Variants in MCCC1 observed in about 807,000 individuals in gnomAD.
The protein encoded by MCCC1 is methylcrotonyl-CoA carboxylase subunit 1.
In MCCC1, 64 loss-of-function variants were observed where a neutral mutation model predicts 83.8. The ratio of observed to expected loss-of-function variants is 0.76; its 90% CI spans 0.62 to 0.94. The LOEUF (loss-of-function observed/expected upper bound fraction) is 0.94. MCCC1 is among the 40% of genes least tolerant of loss of function. MCCC1 has a pLI of 0.00. For missense variants in MCCC1, 807 were observed against 904.7 expected (o/e 0.89, Z 1.39); for synonymous variants, 322 against 315.4 (o/e 1.02, Z -0.22).
chr3:183,077,055 C>T (rs1717129317), intron 4 of MCCC1, among the ~76,000 whole-genome samples: 1 of 152,144 alleles, frequency 6.6e-6, no homozygotes, highest in African/African-American at 2.4e-5. Context: ...TTTTGTTTAA[C>T]ACAAATCAGT....
At chr3:183,036,570 C>T (rs1713613760) in intron 13 of MCCC1, among the ~76,000 whole-genome samples, 2 of 139,194 alleles carry the variant, frequency 1.4e-5, no homozygotes, top group African/African-American at 5.2e-5. Flanking sequence ...GATGAACTCT[C>T]GCCCTGTTGT....
At position 183,064,718 on chromosome 3, in the gene MCCC1, T is replaced by G. The variant is rs538861481; in HGVS notation, c.761+6281A>C. ...GGCTGCTGGGCCCACGGCAGGCTGT[T>G]CGCGGGCAGCCGGCTCCGTGGACAG... is the stretch of plus-strand genomic sequence containing the variant. On this transcript the variant is annotated intron_variant, in intron 7 of 18. Transcript: ENST00000265594. This position sits in a 1 kb window ranked among gnomAD's most constrained non-coding sequence, Gnocchi z 4.5. Among the ~76,000 whole-genome samples the G allele has an allele frequency of 1.3e-5, 2 of 152,330 alleles. No individual in the cohort carries two copies. Among genetic ancestry groups the G allele is most frequent in the South Asian group, 4.1e-4 (2 of 4,826 alleles).
At chr3:183,058,898 CAAACATAGA>C (rs1166059884) in intron 7 of MCCC1, among the ~76,000 whole-genome samples, 2 of 151,984 alleles carry the variant, frequency 1.3e-5, no homozygotes, top group Non-Finnish European at 2.9e-5. Flanking sequence ...TAAAAACTGT[CAAACATAGA>C]AGAGACAAAA....
At position 183,015,278 on chromosome 3, in the gene MCCC1, G is replaced by A. The variant is rs1054819952; in HGVS notation, c.*160C>T. ...TATGAAATATTTTGAGATAATTAGT[G>A]ACCCAAATGCATGATTCTCCAATAT... On this transcript the variant is annotated 3_prime_UTR_variant, in exon 19 of 19. Coordinates refer to ENST00000265594, the MANE Select transcript of MCCC1 (RefSeq NM_020166.5). The A allele has an allele frequency of 9.3e-6, 7 of 755,352 alleles. No individual in the cohort carries two copies. The highest frequency in any genetic ancestry group is 1.6e-5 in the Non-Finnish European group (7 of 428,298). 46.8% of individuals were successfully genotyped at this position (755,352 alleles called of 1,614,324 possible).
chr3:183,065,992 G>A (rs1716230138), intron 7 of MCCC1, among the ~76,000 whole-genome samples: 1 of 152,176 alleles, frequency 6.6e-6, no homozygotes, highest in African/African-American at 2.4e-5. Flanking sequence ...ATGTAAAGGT[G>A]AAATTTGGCT....
rs905321122 is a variant in MCCC1 at position 183,020,177 on chromosome 3, C to A, written c.1930G>T (p.Glu644Ter). Residue 644 changes from glutamate (E) to a stop codon, truncating the protein, a stop_gained, in exon 17 of 19, where the codon GAA becomes TAA. Transcript: ENST00000265594. LOFTEE classifies it high-confidence loss of function. ...GGAGCTAAGGGGCCGCCCTGAGTTTCTTGTGAGCTCACAGAAGATAAGTAT... is the reference window on the plus strand; with the variant it reads ...GGAGCTAAGGGGCCGCCCTGAGTTTATTGTGAGCTCACAGAAGATAAGTAT... The part of the protein sequence containing the change: ...PKYLSSVSSQ[E>*]TQGGPLAPMT... 1.1e-5 allele frequency: 18 copies of A among 1,614,026 alleles called. No individual in the cohort carries two copies. The highest frequency in any genetic ancestry group is 1.4e-5 in the Non-Finnish European group (17 of 1,179,990).
intron 1 of MCCC1, among the ~76,000 whole-genome samples, chr3:183,104,645 G>C (rs756464959): frequency 1.9e-4 from 29 of 152,154 alleles, no homozygotes; most frequent in Non-Finnish European, 1.5e-5. Flanking sequence ...GATCTGTAAT[G>C]AAAGAGAAAA....
chr3:183,115,579 C>CGGT (rs1719574883), exon 1 of MCCC1: 1 of 152,266 alleles, frequency 6.6e-6, no homozygotes. Context: ...CTGCCAGGTG[C>CGGT]GGTGGCCCAC....
At chr3:183,061,323 C>G (rs1384630870) in intron 7 of MCCC1, among the ~76,000 whole-genome samples, 1 of 152,038 alleles carries the variant, frequency 6.6e-6, no homozygotes, top group Non-Finnish European at 1.5e-5. Context: ...CTACCTTCCC[C>G]CTGAACAAAA....
intron 1 of MCCC1, chr3:183,099,078 AG>A (rs1718951933): frequency 1.7e-6 from 1 of 571,580 alleles, no homozygotes. Flanking sequence ...GGGAGCCTGG[AG>A]GATGGCGGGC....
In MCCC1 at chr3:183,071,280, C is replaced by A; in HGVS notation, c.569G>T (p.Cys190Phe). The A allele has an allele frequency of 6.2e-7, 1 of 1,614,208 alleles. No homozygotes were observed. The highest frequency in any genetic ancestry group is 8.5e-7 in the Non-Finnish European group (1 of 1,180,036). ...GYHGEDQSDQ[C>F]LKEHARRIGY... is the part of the protein sequence containing the mutation. Reference sequence around the variant, plus strand: ...AATTCTCCTGGCGTGTTCCTTCAGGCACTGGTCTGATTGGTCCTCACCATG... The same window carrying A: ...AATTCTCCTGGCGTGTTCCTTCAGGAACTGGTCTGATTGGTCCTCACCATG... The change falls in exon 6 of 19, where the codon TGC becomes TTC. Residue 190 changes from cysteine (C) to phenylalanine (F), a missense_variant. Cys to Phe is a radical substitution (Grantham distance 205, BLOSUM62 -2). Coordinates refer to ENST00000265594, the MANE Select transcript of MCCC1 (RefSeq NM_020166.5).
chr3:183,105,007 A>G (rs1467915462), intron 1 of MCCC1, among the ~76,000 whole-genome samples: 2 of 152,270 alleles, frequency 1.3e-5, no homozygotes, highest in African/African-American at 4.8e-5. Flanking sequence ...AATTTATTAT[A>G]GCATTGTTGG....
intron 4 of MCCC1, among the ~76,000 whole-genome samples, chr3:183,078,999 C>T (rs923794335): frequency 3.9e-5 from 6 of 152,144 alleles, no homozygotes; most frequent in East Asian, 1.9e-4. Context: ...ATGAGAACAG[C>T]GCAGGAAAGA....
chr3:183,081,142 A>C (rs991829563), intron 4 of MCCC1, among the ~76,000 whole-genome samples: 4 of 152,246 alleles, frequency 2.6e-5, no homozygotes, highest in Non-Finnish European at 4.4e-5. Context: ...TTCTCTTAGG[A>C]AGAACAATTT....
intron 15 of MCCC1, among the ~76,000 whole-genome samples, chr3:183,023,192 CCT>C (rs1712300411): frequency 6.6e-6 from 1 of 152,106 alleles, no homozygotes; most frequent in African/African-American, 2.4e-5. Context: ...TTAAAATTTC[CCT>C]GAGGTAAAAA....
At chr3:183,068,015 ATAGT>A (rs2108521104) in intron 7 of MCCC1, among the ~76,000 whole-genome samples, 1 of 152,258 alleles carries the variant, frequency 6.6e-6, no homozygotes, top group Admixed American at 6.5e-5. Flanking sequence ...AGAGATCCTA[ATAGT>A]TAGGCAGGAA....
intron 4 of MCCC1, among the ~76,000 whole-genome samples, chr3:183,077,807 G>A (rs767962983): frequency 5.3e-5 from 8 of 152,000 alleles, no homozygotes; most frequent in Admixed American, 2.0e-4. Context: ...AAGAGTCTAG[G>A]ATCTAGACTT....
chr3:183,017,601 A>G (rs1441016052), intron 17 of MCCC1: 1 of 480,348 alleles, frequency 2.1e-6, no homozygotes, highest in Non-Finnish European at 3.8e-6. Flanking sequence ...TGGTCAAATC[A>G]GAGGCCTACA....
chr3:183,104,263 G>A (rs568818008), upstream of MCCC1, among the ~76,000 whole-genome samples: 4 of 152,288 alleles, frequency 2.6e-5, no homozygotes, highest in East Asian at 7.7e-4. Context: ...AAGAGGCGCC[G>A]AGAGCGAGCG....
Sources: allele counts gnomAD v4.1 joint callset (sites outside exome capture counted in the v4.1 genomes callset), GRCh38; gene constraint gnomAD v4.1.1; non-coding constraint Gnocchi (gnomAD v3.1); transcripts MANE v1.5; gene names NCBI Gene and HGNC (gene_info 2026-07-23, HGNC 2026-07-21).